Variants in TBC1D1 observed in about 807,000 individuals in gnomAD.
TBC1D1 encodes the protein TBC1 (tre-2/USP6, BUB2, cdc16) domain family, member 1.
TBC1D1 carries 89 observed loss-of-function variants against 125.6 expected under a neutral mutation model. The ratio of observed to expected loss-of-function variants is 0.71; its 90% CI spans 0.60 to 0.85. The LOEUF is 0.85. Ranked by LOEUF, TBC1D1 falls within the 40% of genes least tolerant of loss-of-function variation. The pLI, the probability that TBC1D1 is intolerant of heterozygous loss-of-function variation, is 0.00. For missense variants in TBC1D1, 1,377 were observed against 1,469.2 expected, an observed-to-expected ratio of 0.94 and a Z score of 1.03; for synonymous variants, 565 against 564.1, an observed-to-expected ratio of 1.00 and a Z score of -0.02.
intron 14 of TBC1D1, among the ~76,000 whole-genome samples, chr4:38,098,999 C>T (rs767935028): frequency 1.4e-4 from 21 of 152,312 alleles, no homozygotes; most frequent in Non-Finnish European, 2.1e-4. Context: ...AAAATGATTT[C>T]TCTAAAGATA....
chr4:38,030,397 C>T (rs1435849490), intron 7 of TBC1D1: 1 of 152,166 alleles, frequency 6.6e-6, no homozygotes, highest in Admixed American at 6.5e-5. Flanking sequence ...CTCCAGACAC[C>T]AAAGGGAGGT....
intron 2 of TBC1D1, among the ~76,000 whole-genome samples, chr4:37,909,331 TA>T (rs1429019859): frequency 1.3e-5 from 2 of 152,236 alleles, no homozygotes; most frequent in African/African-American, 4.8e-5. Flanking sequence ...TACTTAAATG[TA>T]AAAAATTTTT....
chr4:38,003,786 C>T (rs1186153202), intron 2 of TBC1D1, among the ~76,000 whole-genome samples: 1 of 150,936 alleles, frequency 6.6e-6, no homozygotes, highest in Non-Finnish European at 1.5e-5. Context: ...GATAATCGCT[C>T]AAGCCTGAGA....
intron 12 of TBC1D1, among the ~76,000 whole-genome samples, chr4:38,056,883 A>G (rs1450466095): frequency 2.0e-5 from 3 of 152,134 alleles, no homozygotes; most frequent in African/African-American, 7.2e-5. Flanking sequence ...AGTATTCATC[A>G]GTTTTGAGCA....
intron 2 of TBC1D1, among the ~76,000 whole-genome samples, chr4:37,990,633 C>A (rs1284787148): frequency 3.3e-5 from 5 of 152,188 alleles, no homozygotes; most frequent in Non-Finnish European, 5.9e-5. Context: ...GGAAGGGATT[C>A]TCCTTCCATT....
chr4:37,979,173 G>A (rs1166226897), intron 2 of TBC1D1, among the ~76,000 whole-genome samples: 4 of 152,082 alleles, frequency 2.6e-5, no homozygotes, highest in Non-Finnish European at 4.4e-5. Context: ...CACCACACCC[G>A]CCCTCAAAAT....
Position 38,067,229 on chromosome 4 carries a change from A to G in TBC1D1, c.2050+12891A>G, listed in dbSNP as rs532512702. On this transcript the variant is annotated intron_variant, in intron 12 of 19. Transcript: ENST00000261439. ...AACGTGGTAATTATGGTCTTATATA[A>G]TTCTGAAAATGATTTCTAGTACCAA... Among the ~76,000 whole-genome samples, 13 of 152,326 alleles carry G rather than the reference A, an allele frequency of 8.5e-5. No individual in the cohort carries two copies. The South Asian group carries it at 2.7e-3, about 32-fold the overall frequency.
chr4:37,945,358 C>CA (rs1222680573), intron 2 of TBC1D1, among the ~76,000 whole-genome samples: 1 of 151,182 alleles, frequency 6.6e-6, no homozygotes, highest in African/African-American at 2.4e-5. Flanking sequence ...ACTGAAATCA[C>CA]AAAAAATAGC....
intron 12 of TBC1D1, among the ~76,000 whole-genome samples, chr4:38,068,046 G>T (rs1754040496): frequency 6.6e-6 from 1 of 152,172 alleles, no homozygotes; most frequent in South Asian, 2.1e-4. Flanking sequence ...GGGGCTCAGT[G>T]GTGACACCCT....
Position 38,119,451 on chromosome 4 carries a change from T to C in TBC1D1, c.2962+1259T>C, listed in dbSNP as rs559036408. On this transcript the variant is annotated intron_variant, in intron 17 of 19. Coordinates refer to ENST00000261439, the MANE Select transcript of TBC1D1 (RefSeq NM_015173.4). The stretch of plus-strand genomic sequence containing the variant: ...AATAAAATCACTAAATTAAAATAGA[T>C]ACAAAAAGCTATCTCCTGGTTGAGC... Among the ~76,000 whole-genome samples the C allele has an allele frequency of 1.4e-3, 214 of 151,884 alleles. 2 individuals are homozygous for C. The highest frequency in any genetic ancestry group is 5.0e-3 in the African/African-American group (207 of 41,420).
chr4:37,997,791 T>A (rs182112412), intron 2 of TBC1D1, among the ~76,000 whole-genome samples: 13 of 151,782 alleles, frequency 8.6e-5, no homozygotes, highest in Admixed American at 5.9e-4. Context: ...TTTTTTTTTT[T>A]AAAAGAGAAT....
chr4:37,952,476 T>C (rs1728091094), intron 2 of TBC1D1: 1 of 182,802 alleles, frequency 5.5e-6, no homozygotes, highest in Admixed American at 5.6e-5. Context: ...ACGTCCTTTC[T>C]AGGAACATGG....
intron 2 of TBC1D1, among the ~76,000 whole-genome samples, chr4:37,924,776 G>A (rs1263436088): frequency 6.6e-6 from 1 of 152,074 alleles, no homozygotes; most frequent in East Asian, 1.9e-4. Flanking sequence ...TGTATCTGTC[G>A]ATGGACATGT....
At chr4:38,120,115 TA>T in intron 17 of TBC1D1, 20 of 985,370 alleles carry the variant, frequency 2.0e-5, no homozygotes, top group Non-Finnish European at 2.4e-5. Context: ...AAAGGTAAGA[TA>T]TTTTTCTGTA....
At chr4:38,061,978 C>A (rs1752850231) in intron 12 of TBC1D1, among the ~76,000 whole-genome samples, 1 of 152,136 alleles carries the variant, frequency 6.6e-6, no homozygotes, top group South Asian at 2.1e-4. Flanking sequence ...CTGGAAAATA[C>A]AAGCATAGTG....
intron 2 of TBC1D1, among the ~76,000 whole-genome samples, chr4:37,966,873 T>C (rs922516856): frequency 1.2e-4 from 19 of 152,220 alleles, no homozygotes; most frequent in African/African-American, 4.6e-4. Flanking sequence ...CACTTGGGTC[T>C]TATATTCTGG....
At chr4:38,021,753 G>A in intron 6 of TBC1D1, 35 bp downstream of exon 6, 2 of 1,480,864 alleles carry the variant, frequency 1.4e-6, no homozygotes, top group Non-Finnish European at 9.0e-7. Context: ...TGAACACAGT[G>A]GGAGTTAAAG....
At position 38,054,212 on chromosome 4, in the gene TBC1D1, A is replaced by G. The variant is rs2152486454; in HGVS notation, c.1924A>G (p.Lys642Glu). The G allele has an allele frequency of 1.2e-6, 2 of 1,614,188 alleles. No individual in the cohort carries two copies. Among genetic ancestry groups the G allele is most frequent in the South Asian group, 1.1e-5 (1 of 91,084 alleles). ...TTATAATTTTAGGGACTTTGAATCC[A>G]AAGCAAACCATCTTGGTGATTCTGG... Residue 642 changes from lysine to glutamate, a missense_variant, in exon 12 of 20, where the codon AAA (lysine) becomes GAA (glutamate). Lys to Glu is a moderately conservative substitution (Grantham distance 56). Around this residue, in one of 3 missense-constraint regions of TBC1D1, gnomAD observed 822 missense variants for 824.6 expected, o/e 1.00. Coordinates refer to ENST00000261439, the MANE Select transcript of TBC1D1 (RefSeq NM_015173.4).
intron 2 of TBC1D1, among the ~76,000 whole-genome samples, chr4:37,965,721 C>A (rs73236859): frequency 6.6e-6 from 1 of 151,996 alleles, no homozygotes; most frequent in Non-Finnish European, 1.5e-5. Context: ...AGGTGCAAAC[C>A]TGTCATGGAC....
Sources: allele counts gnomAD v4.1 joint callset (sites outside exome capture counted in the v4.1 genomes callset), GRCh38; gene constraint gnomAD v4.1.1; regional missense constraint gnomAD v4.1.1; transcripts MANE v1.5; gene names NCBI Gene and HGNC (gene_info 2026-07-23, HGNC 2026-07-21).